Variants in RAB7B observed in about 807,000 individuals in gnomAD.
RAB7B encodes the protein RAB7B, member RAS oncogene family.
chr1:206,001,123 G>A (rs1373911537), intron 1 of RAB7B, among the ~76,000 whole-genome samples: 1 of 152,146 alleles, frequency 6.6e-6, no homozygotes, highest in African/African-American at 2.4e-5. Flanking sequence ...AGCCTCACTA[G>A]GAGCAACAAA....
At chr1:205,995,047 G>A (rs2102641954) in intron 1 of RAB7B, among the ~76,000 whole-genome samples, 1 of 152,138 alleles carries the variant, frequency 6.6e-6, no homozygotes, top group South Asian at 2.1e-4. Flanking sequence ...CTCATAGATC[G>A]TAATTGAACA....
rs36187395 is a variant in RAB7B at position 205,996,045 on chromosome 1, T to G, written c.-16-1894A>C. On this transcript the variant is annotated intron_variant, in intron 1 of 5. Coordinates refer to ENST00000617070, the MANE Select transcript of RAB7B (RefSeq NM_001164522.3). ...GTAAGTTATTCTGGTTGGTAGGAAA[T>G]TACATTATTTTAATTTTTTTCTCTA... Among the ~76,000 whole-genome samples, 831 of 152,154 alleles carry G rather than the reference T, an allele frequency of 5.5e-3. 5 individuals carry two copies. Among genetic ancestry groups the G allele is most frequent in the African/African-American group, 0.018 (740 of 41,478 alleles).
intron 5 of RAB7B, among the ~76,000 whole-genome samples, chr1:205,981,460 C>T (rs923356202): frequency 5.2e-4 from 79 of 152,210 alleles, no homozygotes; most frequent in Non-Finnish European, 8.5e-4. Flanking sequence ...TGAACACCTA[C>T]TCTGATTTCT....
intron 5 of RAB7B, among the ~76,000 whole-genome samples, chr1:205,980,183 T>TC (rs1314733054): frequency 6.6e-6 from 1 of 152,214 alleles, no homozygotes; most frequent in East Asian, 1.9e-4. Context: ...TTCTTGGGGA[T>TC]CCCCCATCTC....
Position 205,991,667 on chromosome 1 carries a change from C to A in RAB7B, c.396+813G>T, listed in dbSNP as rs1013656144. Among the ~76,000 whole-genome samples, 26 of 152,330 alleles carry A rather than the reference C, an allele frequency of 1.7e-4. 3 individuals are homozygous for A. Among genetic ancestry groups the A allele is most frequent in the Admixed American group, 1.1e-3 (17 of 15,310 alleles). Reference sequence around the variant, plus strand: ...GATGCCTCATTTCCATTGCTTTTCTCTATTTGAACCATTGTGAAAATGCAA... The same window carrying A: ...GATGCCTCATTTCCATTGCTTTTCTATATTTGAACCATTGTGAAAATGCAA... On this transcript the variant is annotated intron_variant, in intron 4 of 5. Coordinates refer to ENST00000617070, the MANE Select transcript of RAB7B (RefSeq NM_001164522.3).
At position 205,992,471 on chromosome 1, in the gene RAB7B, G is replaced by T. The variant is rs1326293739; in HGVS notation, c.396+9C>A. ...ATGTTTGTTGAATGAATAAATGAAC[G>T]AACAGTACCTTCCGGTCTGCCAGAT... On this transcript the variant is annotated intron_variant, in intron 4 of 5. Transcript: ENST00000617070. The T allele has an allele frequency of 1.0e-5, 4 of 398,480 alleles. No homozygotes were observed. The highest frequency in any genetic ancestry group is 1.8e-5 in the Non-Finnish European group (4 of 226,086). 24.7% of individuals were successfully genotyped at this position (398,480 alleles called of 1,614,324 possible). A position where few individuals can be genotyped will look rare whatever the true frequency, so the allele number is the denominator to read the frequency against.
chr1:205,998,354 TCAAA>T (rs1349392401), intron 1 of RAB7B, among the ~76,000 whole-genome samples: 4 of 152,106 alleles, frequency 2.6e-5, no homozygotes, highest in African/African-American at 4.8e-5. Flanking sequence ...AGACTCGGTC[TCAAA>T]CAAACAAATA....
chr1:205,993,257 C>A (rs1262264334), intron 3 of RAB7B, among the ~76,000 whole-genome samples, 163 bp downstream of exon 3: 2 of 152,280 alleles, frequency 1.3e-5, no homozygotes, highest in East Asian at 3.9e-4. Context: ...GTCTTATTTA[C>A]AAAAATAGGA....
At position 205,976,943 on chromosome 1, in the gene RAB7B, G is replaced by A. The variant is rs1660387729; in HGVS notation, c.*1908C>T. 1 of 152,198 alleles carries A rather than the reference G, an allele frequency of 6.6e-6. No individual in the cohort carries two copies. The highest frequency in any genetic ancestry group is 2.1e-4 in the South Asian group (1 of 4,826). 9.4% of individuals were successfully genotyped at this position (152,198 alleles called of 1,614,324 possible). A position where few individuals can be genotyped will look rare whatever the true frequency, so the allele number is the denominator to read the frequency against. Reference sequence around the variant, plus strand: ...CCAGGAGCTCTGAAGGACACAGATAGAGCTTGTGCTCTAGGCTGCCCCCCT... The same window carrying A: ...CCAGGAGCTCTGAAGGACACAGATAAAGCTTGTGCTCTAGGCTGCCCCCCT... On this transcript the variant is annotated 3_prime_UTR_variant, in exon 6 of 6. Transcript: ENST00000617070.
At chr1:205,991,187 A>T (rs1181381618) in intron 4 of RAB7B, among the ~76,000 whole-genome samples, 2 of 152,186 alleles carry the variant, frequency 1.3e-5, no homozygotes, top group Non-Finnish European at 1.5e-5. Context: ...ATCCCAGATA[A>T]GAGGAGGAAG....
At chr1:206,002,108 A>C (rs1373801344) in intron 1 of RAB7B, among the ~76,000 whole-genome samples, 1 of 151,524 alleles carries the variant, frequency 6.6e-6, no homozygotes, top group Non-Finnish European at 1.5e-5. Context: ...AAGGACAAAT[A>C]TATCCACCCT....
rs919671944 is a variant in RAB7B at position 205,994,096 on chromosome 1, C to A, written c.40G>T (p.Val14Phe). 1.0e-5 allele frequency: 4 copies of A among 398,522 alleles called. No homozygotes were observed. The highest frequency in any genetic ancestry group is 1.3e-5 in the Non-Finnish European group (3 of 226,132). 24.7% of individuals were successfully genotyped at this position (398,522 alleles called of 1,614,324 possible). Residue 14 changes from valine (V) to phenylalanine (F), a missense_variant, in exon 2 of 6, where the codon GTC becomes TTC. Transcript: ENST00000617070. ...AGCTTGGCTTACCCAATGGCTCCGA[C>A]GATAATGAGTTTCAGGTCCACCTTC... ...RKKVDLKLII[V>F]GAIGVGKTSL...
intron 1 of RAB7B, among the ~76,000 whole-genome samples, chr1:205,999,415 A>G (rs1660856592): frequency 1.3e-5 from 2 of 152,344 alleles, no homozygotes; most frequent in South Asian, 2.1e-4. Context: ...TAACATTTCA[A>G]AATACCATTT....
intron 1 of RAB7B, 51 bp from the exon 2 acceptor site, chr1:205,994,202 A>G (rs1438270774): frequency 5.0e-6 from 2 of 398,384 alleles, no homozygotes; most frequent in East Asian, 3.6e-5. Context: ...CCTTGTGGCC[A>G]TTGTCACTGA....
chr1:206,002,536 G>C (rs1464685903), intron 1 of RAB7B, among the ~76,000 whole-genome samples: 14 of 152,092 alleles, frequency 9.2e-5, no homozygotes, highest in African/African-American at 3.4e-4. Context: ...TAGGTCTAAA[G>C]ATACAGACAA....
intron 5 of RAB7B, chr1:205,983,753 C>CA (rs1290601100): frequency 6.6e-6 from 1 of 151,194 alleles, no homozygotes; most frequent in Non-Finnish European, 1.5e-5. Context: ...TGGATTGCTA[C>CA]CCATTTATTC....
chr1:205,993,086 C>T (rs1660752146), intron 3 of RAB7B, among the ~76,000 whole-genome samples: 1 of 152,158 alleles, frequency 6.6e-6, no homozygotes, highest in Non-Finnish European at 1.5e-5. Flanking sequence ...GTCCTTCCTT[C>T]TAGATCAGGC....
intron 1 of RAB7B, among the ~76,000 whole-genome samples, chr1:206,002,884 G>A (rs948975379): frequency 7.9e-5 from 12 of 152,184 alleles, no homozygotes; most frequent in Non-Finnish European, 1.3e-4. Flanking sequence ...ATGTCACAAG[G>A]GGACTCTGGG....
At chr1:205,993,338 C>T (rs1290938835) in intron 3 of RAB7B, 82 bp downstream of exon 3, 3 of 396,498 alleles carry the variant, frequency 7.6e-6, no homozygotes, top group Non-Finnish European at 1.3e-5. Flanking sequence ...CTCTGGTTCA[C>T]ATTGCTACAT....
Sources: gnomAD v4.1 joint callset for allele counts (sites outside exome capture counted in the v4.1 genomes callset) on GRCh38, gnomAD v4.1.1 for gene constraint, MANE v1.5 for transcripts, NCBI Gene and HGNC (gene_info 2026-07-23, HGNC 2026-07-21) for gene names.